Variants in SUCLG2 observed in about 807,000 individuals in gnomAD.
The protein encoded by SUCLG2 is succinate-CoA ligase GDP-forming subunit beta.
Under a neutral mutation model 47.9 loss-of-function variants are expected in SUCLG2, and 42 were observed. The observed-to-expected ratio is 0.88, with a 90% CI of 0.69 to 1.14. The LOEUF (loss-of-function observed/expected upper bound fraction) is 1.14. SUCLG2 is among the 50% of genes most tolerant of loss of function. SUCLG2 has a pLI of 0.00. For synonymous variants in SUCLG2, 195 were observed against 197.3 expected (o/e 0.99, Z 0.10); for missense variants, 571 against 525.9 (o/e 1.09, Z -0.84).
intron 1 of SUCLG2, among the ~76,000 whole-genome samples, chr3:67,638,696 G>A (rs371044187): frequency 3.3e-5 from 5 of 152,368 alleles, no homozygotes; most frequent in African/African-American, 9.6e-5. Flanking sequence ...GTAAGGCACA[G>A]AAGAAATCAC....
intron 7 of SUCLG2, among the ~76,000 whole-genome samples, chr3:67,504,467 C>T (rs566807093): frequency 3.4e-4 from 52 of 152,282 alleles, no homozygotes; most frequent in Admixed American, 1.2e-3. Context: ...GGAATCTTAG[C>T]CAGATAGTCA....
chr3:67,479,893 A>G (rs1403402747), intron 9 of SUCLG2, among the ~76,000 whole-genome samples: 1 of 152,226 alleles, frequency 6.6e-6, no homozygotes, highest in Non-Finnish European at 1.5e-5. Context: ...TACAAACCAC[A>G]TTGATGAACT....
chr3:67,654,410 G>A (rs1701347574), intron 1 of SUCLG2, 93 bp downstream of exon 1: 3 of 1,049,782 alleles, frequency 2.9e-6, no homozygotes, highest in South Asian at 4.8e-5. Context: ...CCGCGCAGGG[G>A]GTCAGGCGGA....
chr3:67,561,107 T>C (rs1707296540), intron 2 of SUCLG2, among the ~76,000 whole-genome samples: 1 of 150,512 alleles, frequency 6.6e-6, no homozygotes, highest in South Asian at 2.2e-4. Flanking sequence ...ATTTTCTTCC[T>C]TAAGGTAAGA....
chr3:67,371,950 T>C (rs928914019), downstream of SUCLG2, among the ~76,000 whole-genome samples: 1 of 152,156 alleles, frequency 6.6e-6, no homozygotes, highest in Admixed American at 6.5e-5. Context: ...TTAATTAGGA[T>C]AGCACAGGTA....
intron 10 of SUCLG2, among the ~76,000 whole-genome samples, chr3:67,368,778 G>A (rs1041601472): frequency 6.6e-6 from 1 of 151,882 alleles, no homozygotes; most frequent in African/African-American, 2.4e-5. Context: ...GCTAGTTTTT[G>A]TATTTTTAGT....
chr3:67,633,584 C>G (rs1345926660), intron 1 of SUCLG2, among the ~76,000 whole-genome samples: 2 of 152,152 alleles, frequency 1.3e-5, no homozygotes, highest in Non-Finnish European at 2.9e-5. Context: ...AATAAAAATT[C>G]CATAATGAAA....
At chr3:67,370,516 T>C (rs1239306081), downstream of SUCLG2, among the ~76,000 whole-genome samples, 1 of 152,168 alleles carries the variant, frequency 6.6e-6, no homozygotes, top group African/African-American at 2.4e-5. Flanking sequence ...ACCAATACTT[T>C]TATTAATATA....
chr3:67,397,251 C>T (rs1702552900), intron 10 of SUCLG2, among the ~76,000 whole-genome samples: 1 of 152,228 alleles, frequency 6.6e-6, no homozygotes, highest in Non-Finnish European at 1.5e-5. Flanking sequence ...TTGCAGATGA[C>T]ATGACTGTAT....
At chr3:67,543,079 C>A (rs1331420050) in intron 2 of SUCLG2, among the ~76,000 whole-genome samples, 1 of 152,160 alleles carries the variant, frequency 6.6e-6, no homozygotes, top group Non-Finnish European at 1.5e-5. Context: ...GTAAAACATT[C>A]CTCAGCAAAT....
At chr3:67,383,128 G>A (rs1702193464) in intron 10 of SUCLG2, among the ~76,000 whole-genome samples, 1 of 152,164 alleles carries the variant, frequency 6.6e-6, no homozygotes, top group South Asian at 2.1e-4. Context: ...ACCTAGCACC[G>A]TGCTTGGCAG....
rs114755852 is a variant in SUCLG2, at chr3:67,589,872, G to A, written c.226+19583C>T. Among the ~76,000 whole-genome samples the A allele has an allele frequency of 6.0e-3, 915 of 152,292 alleles. 9 individuals are homozygous for A. The highest frequency in any genetic ancestry group is 0.01 in the Non-Finnish European group (703 of 68,034). On this transcript the variant is annotated intron_variant, in intron 2 of 10. Transcript: ENST00000307227. ...TCCTGCACTAAACTCCACAAAGTCC[G>A]GGAATGCAAAATGGAAGCCAGGCCT...
At chr3:67,585,980 AAAAAAAAAAAACC>A (rs1559583723) in intron 2 of SUCLG2, among the ~76,000 whole-genome samples, 2 of 48,716 alleles carry the variant, frequency 4.1e-5, no homozygotes, top group Non-Finnish European at 6.6e-5. Context: ...AAAAAAAAAA[AAAAAAAAAAAACC>A]AAACCCACAA....
chr3:67,433,184 T>C (rs1196834266), intron 9 of SUCLG2, among the ~76,000 whole-genome samples: 1 of 152,264 alleles, frequency 6.6e-6, no homozygotes, highest in East Asian at 1.9e-4. Flanking sequence ...CTATAAAAGC[T>C]ACCCCATAGA....
chr3:67,610,933 G>A (rs747388648), intron 1 of SUCLG2, among the ~76,000 whole-genome samples: 1 of 152,152 alleles, frequency 6.6e-6, no homozygotes, highest in African/African-American at 2.4e-5. Context: ...CCACTAAAGG[G>A]TAGAAAGTGT....
chr3:67,508,675 A>G (rs1015413235), intron 7 of SUCLG2, 132 bp downstream of exon 7: 9 of 716,162 alleles, frequency 1.3e-5, no homozygotes, highest in Non-Finnish European at 2.1e-5. Context: ...GGAGCATTTC[A>G]AACTATGGCA....
At chr3:67,634,679 A>T (rs1700978954) in intron 1 of SUCLG2, among the ~76,000 whole-genome samples, 1 of 152,166 alleles carries the variant, frequency 6.6e-6, no homozygotes, top group South Asian at 2.1e-4. Context: ...AGGTTCATTC[A>T]ATCTTTGGGC....
intron 10 of SUCLG2, among the ~76,000 whole-genome samples, chr3:67,368,786 A>G (rs996981282): frequency 6.6e-6 from 1 of 151,966 alleles, no homozygotes; most frequent in African/African-American, 2.4e-5. Flanking sequence ...TTGTATTTTT[A>G]GTAGAGGAGG....
At position 67,514,606 on chromosome 3, in the gene SUCLG2, T is replaced by C. The variant is rs548990535; in HGVS notation, c.660+3641A>G. Reference sequence around the variant, plus strand: ...TGTTTTCAGAAATGAACAGTATAGATGATAATTAAGACACACTTGACAAAC... The same window carrying C: ...TGTTTTCAGAAATGAACAGTATAGACGATAATTAAGACACACTTGACAAAC... On this transcript the variant is annotated intron_variant, in intron 6 of 10. Transcript: ENST00000307227. Among the ~76,000 whole-genome samples the C allele has an allele frequency of 2.6e-5, 4 of 152,294 alleles. No individual in the cohort carries two copies. In the East Asian group the frequency reaches 7.7e-4, roughly 29 times the overall value.
Sources: gnomAD v4.1 joint callset for allele counts (sites outside exome capture counted in the v4.1 genomes callset) on GRCh38, gnomAD v4.1.1 for gene constraint, MANE v1.5 for transcripts, NCBI Gene and HGNC (gene_info 2026-07-23, HGNC 2026-07-21) for gene names.